The following CAB39L variants were observed in gnomAD, a reference collection of about 807,000 sequenced individuals.
CAB39L encodes calcium binding protein 39 like.
Under a neutral mutation model 39.1 loss-of-function variants are expected in CAB39L, and 23 were observed. That is an observed-to-expected ratio of 0.59 (90% confidence interval 0.42 to 0.83). CAB39L has a LOEUF of 0.83. Among genes scored for constraint, CAB39L ranks in the 40% least tolerant of loss-of-function variants. CAB39L has a pLI of 0.00. For synonymous variants in CAB39L, 126 were observed against 137.2 expected, an observed-to-expected ratio of 0.92 and a Z score of 0.57; for missense variants, 366 against 391.9, an observed-to-expected ratio of 0.93 and a Z score of 0.56.
At position 49,382,795 on chromosome 13, in the gene CAB39L, C is replaced by T. The variant is rs1425337330; in HGVS notation, c.111+5G>A. On this transcript the variant is annotated splice_donor_5th_base_variant and intron_variant, in intron 4 of 10. Transcript: ENST00000409308. The stretch of plus-strand genomic sequence containing the variant: ...TAATCATAATGTTACTGTTTTAGCT[C>T]TTACCTTGTCTGTCTTTTTGTCTTG... The T allele has an allele frequency of 1.3e-6, 2 of 1,564,132 alleles. No individual in the cohort carries two copies. Among genetic ancestry groups the T allele is most frequent in the African/African-American group, 1.4e-5 (1 of 73,746 alleles).
chr13:49,321,170 G>A (rs142007577), intron 10 of CAB39L, among the ~76,000 whole-genome samples: 233 of 152,314 alleles, frequency 1.5e-3, no homozygotes, highest in African/African-American at 4.6e-3. Context: ...CCTCCACCCA[G>A]AGATAACCCC....
chr13:49,330,491 G>A (rs944822649), intron 10 of CAB39L, among the ~76,000 whole-genome samples: 9 of 152,028 alleles, frequency 5.9e-5, no homozygotes, highest in African/African-American at 1.4e-4. Context: ...TGGGCGAGGT[G>A]GCACGTGTCT....
chr13:49,412,945 T>C (rs1248659462), intron 3 of CAB39L: 1 of 152,204 alleles, frequency 6.6e-6, no homozygotes, highest in Non-Finnish European at 1.5e-5. Flanking sequence ...TAACAGGCCA[T>C]GGACAGGTAC....
At chr13:49,378,410 T>G (rs1315455030) in intron 4 of CAB39L, among the ~76,000 whole-genome samples, 3 of 39,750 alleles carry the variant, frequency 7.5e-5, no homozygotes, top group South Asian at 1.1e-3. Flanking sequence ...GGGAGGGAGG[T>G]GGGGGGGTCA....
intron 6 of CAB39L, among the ~76,000 whole-genome samples, chr13:49,357,661 T>C (rs1955524103): frequency 6.6e-6 from 1 of 152,210 alleles, no homozygotes; most frequent in Non-Finnish European, 1.5e-5. Context: ...CAAATACGCA[T>C]TCTCTTCATT....
Position 49,325,448 on chromosome 13 carries a change from C to T in CAB39L, c.834+6499G>A, listed in dbSNP as rs141109696. Among the ~76,000 whole-genome samples, 462 of 152,252 alleles carry T rather than the reference C, an allele frequency of 3.0e-3. 4 individuals carry two copies. Among genetic ancestry groups the T allele is most frequent in the African/African-American group, 0.01 (431 of 41,542 alleles). ...GTCTCAATTGCTTTCTCCATGAGTACGGTTAGATTTGGTACACCATGACCA... is the reference window on the plus strand; with the variant it reads ...GTCTCAATTGCTTTCTCCATGAGTATGGTTAGATTTGGTACACCATGACCA... On this transcript the variant is annotated intron_variant, in intron 10 of 10. Transcript: ENST00000409308.
intron 5 of CAB39L, 144 bp downstream of exon 5, chr13:49,376,823 T>C (rs1475680577): frequency 4.8e-6 from 3 of 621,594 alleles, no homozygotes; most frequent in African/African-American, 3.8e-5. Flanking sequence ...AGATTAATTG[T>C]AGACATTTTA....
chr13:49,378,597 G>GC (rs1325490662), intron 4 of CAB39L, among the ~76,000 whole-genome samples: 2 of 67,910 alleles, frequency 2.9e-5, no homozygotes, highest in Non-Finnish European at 5.9e-5. Context: ...GGGGGGGTCA[G>GC]CCCTCCGCCC....
chr13:49,439,506 T>C (rs954073961), intron 1 of CAB39L, among the ~76,000 whole-genome samples: 2 of 152,204 alleles, frequency 1.3e-5, no homozygotes, highest in Non-Finnish European at 1.5e-5. Context: ...GATGGACACA[T>C]AGGTTGATTC....
rs548947401 is a variant in CAB39L at position 49,405,719 on chromosome 13, G to GAGGAAGGAAGGAAGGA, written c.-31-22794_-31-22779dup. Reference sequence around the variant, plus strand: ...AAAGAAAGAAAGAAAGAAAGAGAGAGAGGAAGGAAGGAAGGAAGGAAGGAA... The same window carrying GAGGAAGGAAGGAAGGA: ...AAAGAAAGAAAGAAAGAAAGAGAGAGAGGAAGGAAGGAAGGAAGGAAGGAAGGAAGGAAGGAAGGAA... On this transcript the variant is annotated intron_variant, in intron 3 of 10. Transcript: ENST00000409308. Among the ~76,000 whole-genome samples, 58 of 95,052 alleles carry GAGGAAGGAAGGAAGGA rather than the reference G, an allele frequency of 6.1e-4. 4 individuals are homozygous for GAGGAAGGAAGGAAGGA. The highest frequency in any genetic ancestry group is 1.2e-3 in the African/African-American group (32 of 26,334). The allele number at this position is 95,052 out of a possible 152,430, so 62.4% of individuals were successfully genotyped here.
chr13:49,417,548 C>T (rs9568200), intron 3 of CAB39L, among the ~76,000 whole-genome samples: 7,379 of 151,892 alleles, frequency 0.049, 354 homozygotes, highest in East Asian at 0.22. Flanking sequence ...AATATGTTAA[C>T]GATATTAAAA....
intron 10 of CAB39L, among the ~76,000 whole-genome samples, chr13:49,323,115 TA>T (rs1352502068): frequency 3.3e-5 from 5 of 152,184 alleles, no homozygotes; most frequent in African/African-American, 7.2e-5. Flanking sequence ...CTCCTCCAGG[TA>T]AGCACCTCAG....
At chr13:49,349,673 A>G (rs1955282906) in intron 7 of CAB39L, among the ~76,000 whole-genome samples, 1 of 151,980 alleles carries the variant, frequency 6.6e-6, no homozygotes, top group African/African-American at 2.4e-5. Context: ...TATAATTATT[A>G]TCCCTCCCCA....
intron 5 of CAB39L, among the ~76,000 whole-genome samples, chr13:49,372,585 G>A (rs943288494): frequency 1.3e-5 from 2 of 152,162 alleles, no homozygotes; most frequent in African/African-American, 4.8e-5. Context: ...CTTGTTTCCT[G>A]CAACTGCTTA....
intron 6 of CAB39L, among the ~76,000 whole-genome samples, chr13:49,357,060 A>AG (rs1955507034): frequency 6.6e-6 from 1 of 151,812 alleles, no homozygotes; most frequent in South Asian, 2.1e-4. Flanking sequence ...AAAAAAAAAA[A>AG]AAAGAAAATG....
chr13:49,325,102 T>C (rs964631969), intron 10 of CAB39L, among the ~76,000 whole-genome samples: 2 of 152,204 alleles, frequency 1.3e-5, no homozygotes, highest in African/African-American at 4.8e-5. Context: ...TTGCCAGAAA[T>C]ACCCATTGCA....
intron 5 of CAB39L, among the ~76,000 whole-genome samples, chr13:49,369,412 G>A (rs1033854516): frequency 2.6e-5 from 4 of 152,184 alleles, no homozygotes; most frequent in Non-Finnish European, 5.9e-5. Context: ...ACATGGCAAC[G>A]ACATGGATGA....
chr13:49,344,101 C>G, intron 8 of CAB39L, 78 bp downstream of exon 8: 1 of 847,532 alleles, frequency 1.2e-6, no homozygotes, highest in East Asian at 2.5e-5. Context: ...GTGGATAATT[C>G]ACAGGGGCAA....
At chr13:49,398,755 C>T (rs945339098) in intron 3 of CAB39L, among the ~76,000 whole-genome samples, 30 of 152,036 alleles carry the variant, frequency 2.0e-4, no homozygotes, top group Non-Finnish European at 2.9e-5. Flanking sequence ...GTAAAGTTAA[C>T]TTGGATAGAC....
Sources: gnomAD v4.1 joint callset for allele counts (sites outside exome capture counted in the v4.1 genomes callset) on GRCh38, gnomAD v4.1.1 for gene constraint, MANE v1.5 for transcripts, NCBI Gene and HGNC (gene_info 2026-07-23, HGNC 2026-07-21) for gene names.